The following TMX4 variants were observed in gnomAD, a reference collection of about 807,000 sequenced individuals.
TMX4 encodes the protein thioredoxin related transmembrane protein 4.
TMX4 carries 23 observed loss-of-function variants against 33.3 expected under a neutral mutation model. The ratio of observed to expected loss-of-function variants is 0.69; its 90% CI spans 0.50 to 0.98. The LOEUF (loss-of-function observed/expected upper bound fraction) is 0.98, where lower values mean the gene tolerates loss of function less well. Ranked by LOEUF, TMX4 falls within the 50% of genes least tolerant of loss-of-function variation. The pLI, the probability that TMX4 is intolerant of heterozygous loss-of-function variation, is 0.00. For synonymous variants in TMX4, 164 were observed against 161.5 expected, an observed-to-expected ratio of 1.02 and a Z score of -0.12; for missense variants, 399 against 448.9, an observed-to-expected ratio of 0.89 and a Z score of 1.01.
chr20:8,019,389 T>G, intron 1 of TMX4, 49 bp downstream of exon 1: 1 of 1,496,984 alleles, frequency 6.7e-7, no homozygotes, highest in Non-Finnish European at 8.9e-7. Flanking sequence ...CTTGGGAGGG[T>G]GACGCCCGCG....
intron 2 of TMX4, among the ~76,000 whole-genome samples, chr20:8,006,614 A>G (rs2050731633): frequency 6.6e-6 from 1 of 152,170 alleles, no homozygotes; most frequent in South Asian, 2.1e-4. Flanking sequence ...AGATAGAGGC[A>G]AACTGCCCTG....
intron 4 of TMX4, among the ~76,000 whole-genome samples, chr20:7,997,450 G>A (rs549736643): frequency 6.5e-4 from 97 of 149,070 alleles, no homozygotes; most frequent in Non-Finnish European, 1.2e-3. Context: ...TGTTAAATGC[G>A]CAGGCATGCC....
rs1202673470 is a variant in TMX4 at position 7,990,916 on chromosome 20, G to C, written c.514-3527C>G. The stretch of plus-strand genomic sequence containing the variant: ...GCAGCCTCTTGTAGGATCTATGAAA[G>C]GTACCTTACAGATGTGCACCACTGT... On this transcript the variant is annotated intron_variant, in intron 5 of 7. Coordinates refer to ENST00000246024, the MANE Select transcript of TMX4 (RefSeq NM_021156.4). 5.9e-5 allele frequency among the ~76,000 whole-genome samples: 9 copies of C among 152,052 alleles called. No individual in the cohort carries two copies. The East Asian group carries it at 1.7e-3, about 29-fold the overall frequency.
intron 5 of TMX4, among the ~76,000 whole-genome samples, chr20:7,995,285 C>T (rs139826848): frequency 7.9e-5 from 12 of 152,216 alleles, no homozygotes; most frequent in Admixed American, 7.9e-4. Context: ...ATATTTTGAG[C>T]TATATTTAAT....
chr20:8,018,349 GGAGAGAGA>G (rs1158887842), intron 1 of TMX4, among the ~76,000 whole-genome samples: 2 of 86,378 alleles, frequency 2.3e-5, no homozygotes, highest in East Asian at 1.2e-3. Flanking sequence ...GAGAGAGGAG[GGAGAGAGA>G]GAGAGAGAGA....
At chr20:8,000,466 T>C (rs1252349272) in intron 3 of TMX4, among the ~76,000 whole-genome samples, 1 of 152,122 alleles carries the variant, frequency 6.6e-6, no homozygotes, top group Non-Finnish European at 1.5e-5. Context: ...GCCGTATCCA[T>C]TTCTGTTTCC....
chr20:7,992,820 T>A (rs2050660671), intron 5 of TMX4, among the ~76,000 whole-genome samples: 1 of 152,238 alleles, frequency 6.6e-6, no homozygotes, highest in Non-Finnish European at 1.5e-5. Flanking sequence ...GATATATCTC[T>A]GATCTTCTAG....
intron 1 of TMX4, among the ~76,000 whole-genome samples, chr20:8,018,463 G>A (rs1450998869): frequency 3.6e-5 from 1 of 27,736 alleles, no homozygotes; most frequent in African/African-American, 2.8e-4. Context: ...AGGGAGGGAG[G>A]GAGGGAGGGA....
intron 4 of TMX4, among the ~76,000 whole-genome samples, chr20:7,997,490 A>C: frequency 6.6e-6 from 1 of 151,328 alleles, no homozygotes; most frequent in Non-Finnish European, 1.5e-5. Context: ...GTACCAACTC[A>C]CATTCCTTTC....
At chr20:8,004,880 A>T (rs2050722063) in intron 2 of TMX4, among the ~76,000 whole-genome samples, 1 of 152,212 alleles carries the variant, frequency 6.6e-6, no homozygotes, top group African/African-American at 2.4e-5. Context: ...GGTTGTTATG[A>T]AGCTAAAATG....
Position 7,982,207 on chromosome 20 carries a change from G to A in TMX4, c.*44C>T, listed in dbSNP as rs780158484. ...ACAAACTGCAGGCCAAAGGGAAGCT[G>A]ACATATTGTTTTGGTGTGTATTCTT... On this transcript the variant is annotated 3_prime_UTR_variant, in exon 8 of 8. Coordinates refer to ENST00000246024, the MANE Select transcript of TMX4 (RefSeq NM_021156.4). The A allele has an allele frequency of 6.4e-7, 1 of 1,567,872 alleles. No homozygotes were observed. The highest frequency in any genetic ancestry group is 8.7e-7 in the Non-Finnish European group (1 of 1,154,686).
Position 7,982,073 on chromosome 20 carries a change from C to T in TMX4, c.*178G>A, listed in dbSNP as rs1268269021. On this transcript the variant is annotated 3_prime_UTR_variant, in exon 8 of 8. Coordinates refer to ENST00000246024, the MANE Select transcript of TMX4 (RefSeq NM_021156.4). The stretch of plus-strand genomic sequence containing the variant: ...GTTTTTCTATATCCTGATTGTCACA[C>T]CTGGAAGACTCTCCTTAGTATACAT... 1.6e-6 allele frequency: 1 copy of T among 635,448 alleles called. No homozygotes were observed. The highest frequency in any genetic ancestry group is 2.7e-6 in the Non-Finnish European group (1 of 374,042). 39.4% of individuals were successfully genotyped at this position (635,448 alleles called of 1,614,324 possible).
chr20:7,988,992 C>T (rs1445791581), intron 5 of TMX4, among the ~76,000 whole-genome samples: 1 of 151,440 alleles, frequency 6.6e-6, no homozygotes, highest in Non-Finnish European at 1.5e-5. Context: ...TGCACTCCAG[C>T]CTGGGTGACA....
intron 5 of TMX4, among the ~76,000 whole-genome samples, chr20:7,994,251 C>T (rs2050667002): frequency 6.6e-6 from 1 of 152,030 alleles, no homozygotes; most frequent in Non-Finnish European, 1.5e-5. Context: ...TTCTACTTCT[C>T]AATCATTAAG....
chr20:8,008,940 A>G (rs944843283), intron 2 of TMX4, among the ~76,000 whole-genome samples: 2 of 152,154 alleles, frequency 1.3e-5, no homozygotes, highest in Admixed American at 6.5e-5. Flanking sequence ...CTGACACATC[A>G]ATTTTAACAT....
intron 2 of TMX4, among the ~76,000 whole-genome samples, chr20:8,007,889 C>T (rs1462393441): frequency 1.3e-5 from 2 of 152,212 alleles, no homozygotes; most frequent in African/African-American, 2.4e-5. Flanking sequence ...ATATCCCTTA[C>T]CACCATCTGA....
chr20:8,001,609 T>C, intron 2 of TMX4, 68 bp from the exon 3 acceptor site: 2 of 1,405,052 alleles, frequency 1.4e-6, no homozygotes, highest in Non-Finnish European at 2.0e-6. Flanking sequence ...TTGAGCTTAC[T>C]TTCATAATCA....
At chr20:7,985,643 A>C (rs1268917156) in intron 6 of TMX4, among the ~76,000 whole-genome samples, 2 of 152,104 alleles carry the variant, frequency 1.3e-5, no homozygotes, top group Admixed American at 1.3e-4. Context: ...AAATGTATGA[A>C]TCTTTTATAA....
intron 2 of TMX4, among the ~76,000 whole-genome samples, chr20:8,002,675 G>A (rs532411443): frequency 3.9e-5 from 6 of 152,270 alleles, no homozygotes; most frequent in Admixed American, 6.5e-5. Flanking sequence ...ACACATCCCT[G>A]TGGTAACTTG....
Sources: allele counts gnomAD v4.1 joint callset (sites outside exome capture counted in the v4.1 genomes callset), GRCh38; gene constraint gnomAD v4.1.1; transcripts MANE v1.5; gene names NCBI Gene and HGNC (gene_info 2026-07-23, HGNC 2026-07-21).